The following SOX5 variants were observed in gnomAD, a reference collection of about 807,000 sequenced individuals.
SOX5 encodes the protein SRY-box transcription factor 5.
Under a neutral mutation model 92.0 loss-of-function variants are expected in SOX5, and 9 were observed. The ratio of observed to expected loss-of-function variants is 0.10; its 90% CI spans 0.06 to 0.17. The LOEUF (loss-of-function observed/expected upper bound fraction) is 0.17, where lower values mean the gene tolerates loss of function less well. Among genes scored for constraint, SOX5 ranks in the 10% least tolerant of loss-of-function variants. SOX5 has a pLI of 1.00. For synonymous variants in SOX5, 344 were observed against 336.3 expected (o/e 1.02, Z -0.25); for missense variants, 642 against 944.5 (o/e 0.68, Z 4.20).
chr12:24,405,206 T>C (rs911571110), intron 1 of SOX5, among the ~76,000 whole-genome samples: 2 of 152,166 alleles, frequency 1.3e-5, no homozygotes, highest in African/African-American at 4.8e-5. Context: ...AAATGTCAAA[T>C]CCTTAATATA....
intron 4 of SOX5, among the ~76,000 whole-genome samples, chr12:24,042,940 G>T (rs1415384983): frequency 6.6e-6 from 1 of 152,132 alleles, no homozygotes; most frequent in Non-Finnish European, 1.5e-5. Context: ...ATTTCTCAAA[G>T]AATGTATTGT....
intron 6 of SOX5, among the ~76,000 whole-genome samples, chr12:23,732,322 C>A (rs1353543182): frequency 6.6e-6 from 1 of 152,160 alleles, no homozygotes; most frequent in Non-Finnish European, 1.5e-5. Context: ...CAGAGCTTCC[C>A]ATAATTGTTT....
chr12:23,536,419 T>G (rs1940471868), intron 14 of SOX5, 34 bp downstream of exon 14: 1 of 1,522,796 alleles, frequency 6.6e-7, no homozygotes, highest in Admixed American at 1.7e-5. Context: ...ACAGGAAGTT[T>G]GCCCCATGAG....
intron 3 of SOX5, among the ~76,000 whole-genome samples, chr12:23,838,320 C>T (rs2096461757): frequency 6.6e-6 from 1 of 150,586 alleles, no homozygotes; most frequent in African/African-American, 2.4e-5. Flanking sequence ...AGATCATTGC[C>T]TTACTCAAAT....
At chr12:23,610,736 A>C (rs1490688786) in intron 8 of SOX5, among the ~76,000 whole-genome samples, 1 of 152,174 alleles carries the variant, frequency 6.6e-6, no homozygotes, top group African/African-American at 2.4e-5. Flanking sequence ...GAGAGGAAAA[A>C]AATATGAATT....
intron 1 of SOX5, among the ~76,000 whole-genome samples, chr12:24,501,341 C>T (rs893457000): frequency 3.4e-5 from 5 of 147,530 alleles, no homozygotes; most frequent in African/African-American, 5.1e-5. Context: ...AAGATATGTG[C>T]GTTTGGGTAG....
intron 4 of SOX5, among the ~76,000 whole-genome samples, chr12:24,188,604 AC>A (rs1451100145): frequency 1.3e-5 from 2 of 152,206 alleles, no homozygotes; most frequent in Non-Finnish European, 2.9e-5. Flanking sequence ...AATAAAAAAA[AC>A]AGTAGAAAAA....
intron 3 of SOX5, among the ~76,000 whole-genome samples, chr12:24,253,326 G>A (rs1319073911): frequency 6.6e-6 from 1 of 150,392 alleles, no homozygotes; most frequent in African/African-American, 2.5e-5. Flanking sequence ...ATTTGAAAGG[G>A]ATCTAAGATT....
chr12:23,947,779 T>C (rs1453292601), intron 1 of SOX5, among the ~76,000 whole-genome samples: 3 of 151,224 alleles, frequency 2.0e-5, no homozygotes, highest in African/African-American at 7.3e-5. Context: ...AAGGGAAAAG[T>C]TTAGTTTAAA....
intron 3 of SOX5, among the ~76,000 whole-genome samples, chr12:23,812,586 G>A (rs948452016): frequency 1.3e-5 from 2 of 152,006 alleles, no homozygotes; most frequent in African/African-American, 4.8e-5. Flanking sequence ...TAAATAATAT[G>A]AGCAAGGCCA....
chr12:23,745,171 T>C (rs1003742296), intron 4 of SOX5, among the ~76,000 whole-genome samples: 2 of 152,124 alleles, frequency 1.3e-5, no homozygotes, highest in Non-Finnish European at 2.9e-5. Flanking sequence ...AAGAATGCCT[T>C]TTACGCAAAT....
At chr12:24,346,164 C>T (rs185996361) in intron 2 of SOX5, among the ~76,000 whole-genome samples, 14 of 152,260 alleles carry the variant, frequency 9.2e-5, no homozygotes, top group Non-Finnish European at 1.5e-4. Context: ...GGAAAACGAA[C>T]GTCATCCATG....
chr12:23,698,314 T>C (rs1442522953), intron 6 of SOX5, among the ~76,000 whole-genome samples: 2 of 152,196 alleles, frequency 1.3e-5, no homozygotes, highest in Non-Finnish European at 2.9e-5. Flanking sequence ...GGGACACAAT[T>C]TCCTTAATGA....
chr12:24,438,195 C>A (rs962555709), intron 1 of SOX5, among the ~76,000 whole-genome samples: 1 of 152,102 alleles, frequency 6.6e-6, no homozygotes, highest in Non-Finnish European at 1.5e-5. Context: ...GAAAACCAAA[C>A]CCCACATGTT....
At chr12:23,674,065 C>G (rs1004601632) in intron 6 of SOX5, among the ~76,000 whole-genome samples, 1 of 152,048 alleles carries the variant, frequency 6.6e-6, no homozygotes, top group Non-Finnish European at 1.5e-5. Flanking sequence ...AAAGGGCTGT[C>G]ACATACACTA....
intron 4 of SOX5, among the ~76,000 whole-genome samples, chr12:23,964,617 CTTCT>C (rs898321734): frequency 6.6e-6 from 1 of 152,124 alleles, no homozygotes; most frequent in Admixed American, 6.5e-5. Context: ...ACAATGGATG[CTTCT>C]TTGTTTGCCT....
intron 2 of SOX5, among the ~76,000 whole-genome samples, chr12:24,359,123 C>T (rs1955209623): frequency 6.6e-6 from 1 of 152,200 alleles, no homozygotes; most frequent in South Asian, 2.1e-4. Context: ...GCTTGAAATT[C>T]TCATATATTT....
chr12:24,053,150 G>T (rs1287897560), intron 4 of SOX5, among the ~76,000 whole-genome samples: 1 of 149,564 alleles, frequency 6.7e-6, no homozygotes, highest in East Asian at 2.0e-4. Context: ...CACCTTTCCA[G>T]TAACTTTTGA....
intron 1 of SOX5, among the ~76,000 whole-genome samples, chr12:24,373,296 CACT>C (rs904027379): frequency 1.6e-4 from 25 of 152,208 alleles, no homozygotes; most frequent in African/African-American, 6.0e-4. Context: ...CTTACTGCAA[CACT>C]ACCATATTTT....
Sources: allele counts gnomAD v4.1 joint callset (sites outside exome capture counted in the v4.1 genomes callset), GRCh38; gene constraint gnomAD v4.1.1; transcripts MANE v1.5; gene names NCBI Gene and HGNC (gene_info 2026-07-23, HGNC 2026-07-21).